Variants in RBM33 observed in about 807,000 individuals in gnomAD.
RBM33 encodes the protein RNA-binding protein 33.
A neutral mutation model predicts 132.6 loss-of-function variants in RBM33; 28 were observed. The observed-to-expected ratio is 0.21, with a 90% CI of 0.16 to 0.29. The LOEUF (loss-of-function observed/expected upper bound fraction) is 0.29. RBM33 is among the 10% of genes least tolerant of loss of function. The pLI, the probability that RBM33 is intolerant of heterozygous loss-of-function variation, is 1.00. For missense variants in RBM33, 1,291 were observed against 1,518.5 expected (o/e 0.85, Z 2.49); for synonymous variants, 634 against 593.0 (o/e 1.07, Z -1.01).
At chr7:155,718,873 G>C (rs1032093872) in intron 9 of RBM33, among the ~76,000 whole-genome samples, 1 of 151,956 alleles carries the variant, frequency 6.6e-6, no homozygotes. Context: ...AGAACCTCTA[G>C]GGTCTTAATG....
intron 8 of RBM33, among the ~76,000 whole-genome samples, chr7:155,717,268 C>G (rs1237914207): frequency 6.6e-6 from 1 of 152,112 alleles, no homozygotes; most frequent in Non-Finnish European, 1.5e-5. Context: ...AGTCCAAGTT[C>G]GAGGTGTGGG....
chr7:155,771,609 T>A (rs999251993), intron 16 of RBM33, among the ~76,000 whole-genome samples: 4 of 152,234 alleles, frequency 2.6e-5, no homozygotes, highest in Non-Finnish European at 5.9e-5. Flanking sequence ...TATTGTATGA[T>A]TGGCAGCCTG....
At chr7:155,732,898 A>T (rs562150302) in intron 9 of RBM33, among the ~76,000 whole-genome samples, 3 of 152,308 alleles carry the variant, frequency 2.0e-5, no homozygotes, top group African/African-American at 7.2e-5. Context: ...TTAAAATAAA[A>T]CAAAAGCTTT....
chr7:155,664,159 A>C (rs1391828184), intron 1 of RBM33, among the ~76,000 whole-genome samples: 2 of 152,214 alleles, frequency 1.3e-5, no homozygotes, highest in African/African-American at 2.4e-5. Context: ...TGTGTGTGCA[A>C]AATAAGCAGT....
intron 1 of RBM33, among the ~76,000 whole-genome samples, chr7:155,661,146 A>ATATATTTT (rs1421586760): frequency 0.084 from 6,693 of 80,046 alleles, 493 homozygotes; most frequent in South Asian, 0.14. Context: ...ATATATATAT[A>ATATATTTT]TTTTTTTTTT....
chr7:155,764,821 A>G (rs894438661), intron 15 of RBM33, among the ~76,000 whole-genome samples: 9 of 152,240 alleles, frequency 5.9e-5, no homozygotes, highest in Non-Finnish European at 1.3e-4. Flanking sequence ...TCATCTCGTC[A>G]CTTTAGAAGT....
At chr7:155,724,993 TGTGTGTGTGTG>T (rs750460441) in intron 9 of RBM33, among the ~76,000 whole-genome samples, 3,777 of 94,920 alleles carry the variant, frequency 0.04, 66 homozygotes, top group Non-Finnish European at 0.049. Flanking sequence ...TACAGGTTTG[TGTGTGTGTGTG>T]TGTGTGTGTG....
rs535736037 is a variant in RBM33, at chr7:155,715,944, T to G, written c.1202-2441T>G. 6.6e-5 allele frequency among the ~76,000 whole-genome samples: 10 copies of G among 152,348 alleles called. No individual in the cohort carries two copies. The South Asian group carries it at 2.1e-3, about 32-fold the overall frequency. On this transcript the variant is annotated intron_variant, in intron 8 of 17. Coordinates refer to ENST00000401878, the MANE Select transcript of RBM33 (RefSeq NM_053043.3). ...TCTGATGGCACAGACTTTCTGAGGA[T>G]GAAGAGTGTTCCGTTATAATTTATT...
At chr7:155,668,778 T>G (rs560086904) in intron 2 of RBM33, among the ~76,000 whole-genome samples, 1 of 152,352 alleles carries the variant, frequency 6.6e-6, no homozygotes, top group South Asian at 2.1e-4. Context: ...TTGAATCATT[T>G]TGAAATCATA....
At chr7:155,749,089 C>T (rs1241044580) in intron 14 of RBM33, among the ~76,000 whole-genome samples, 1 of 152,050 alleles carries the variant, frequency 6.6e-6, no homozygotes, top group East Asian at 1.9e-4. Flanking sequence ...GAATAGTTGT[C>T]TGTTCTTTGG....
rs1320174368 is a variant in RBM33 at position 155,673,799 on chromosome 7, CA to C, written c.171+885del. Among the ~76,000 whole-genome samples, 445 of 149,334 alleles carry C rather than the reference CA, an allele frequency of 3.0e-3. 2 individuals carry two copies. Among genetic ancestry groups the C allele is most frequent in the Non-Finnish European group, 4.5e-3 (302 of 67,732 alleles). ...ACACACACACACACACACACACACA[CA>C]CCCCTACCAGTATATTTCGGACATT... On this transcript the variant is annotated intron_variant, in intron 3 of 17. Coordinates refer to ENST00000401878, the MANE Select transcript of RBM33 (RefSeq NM_053043.3).
At position 155,680,846 on chromosome 7, in the gene RBM33, G is replaced by A. The variant is rs757138963; in HGVS notation, c.505G>A (p.Glu169Lys). The change falls in exon 5 of 18, where the codon GAG becomes AAG. Residue 169 changes from glutamate (E) to lysine (K), a missense_variant. Glu to Lys is a moderately conservative substitution (Grantham distance 56). Coordinates refer to ENST00000401878, the MANE Select transcript of RBM33 (RefSeq NM_053043.3). ...QIEYVEEPEE[E>K]QLYTDEVLDI... ...AGAATATGTGGAAGAGCCAGAGGAG[G>A]AGCAGCTTTACACTGATGAAGTGTT... 2 of 1,613,870 alleles carry A rather than the reference G, an allele frequency of 1.2e-6. No individual in the cohort carries two copies. Among genetic ancestry groups the A allele is most frequent in the Admixed American group, 3.3e-5 (2 of 60,008 alleles).
chr7:155,752,356 C>G (rs1801711176), intron 14 of RBM33, among the ~76,000 whole-genome samples: 1 of 152,134 alleles, frequency 6.6e-6, no homozygotes, highest in Non-Finnish European at 1.5e-5. Context: ...CATACAGATA[C>G]TGCTTTTGTA....
intron 3 of RBM33, among the ~76,000 whole-genome samples, chr7:155,673,768 G>GCGCACACACACACACA (rs1554469952): frequency 0.012 from 1,530 of 132,948 alleles, 47 homozygotes; most frequent in Non-Finnish European, 0.013. Flanking sequence ...GCGCATGCGC[G>GCGCACACACACACACA]CACACACACA....
At chr7:155,738,016 TG>T in intron 10 of RBM33, 43 bp from the exon 11 acceptor site, 1 of 1,521,348 alleles carries the variant, frequency 6.6e-7, no homozygotes, top group Non-Finnish European at 9.0e-7. Context: ...GAGAAGCACA[TG>T]GTCTTTTTAA....
chr7:155,751,547 C>G (rs573407661), intron 14 of RBM33, among the ~76,000 whole-genome samples: 2 of 152,276 alleles, frequency 1.3e-5, no homozygotes, highest in Admixed American at 1.3e-4. Context: ...TTGCCCTTGA[C>G]CTTTTGAAAG....
chr7:155,689,245 C>G (rs1367753344), intron 5 of RBM33, among the ~76,000 whole-genome samples: 1 of 152,152 alleles, frequency 6.6e-6, no homozygotes, highest in Non-Finnish European at 1.5e-5. Context: ...TCTAGATTTT[C>G]TAGTTTATTT....
intron 2 of RBM33, 123 bp from the exon 3 acceptor site, chr7:155,672,744 C>CAAAAA (rs559042068): frequency 2.8e-5 from 10 of 351,560 alleles, no homozygotes; most frequent in African/African-American, 2.2e-4. Context: ...GGCTTTGTCT[C>CAAAAA]AAAAAAAAAA....
At chr7:155,771,290 C>G (rs1802419100) in intron 16 of RBM33, among the ~76,000 whole-genome samples, 1 of 152,220 alleles carries the variant, frequency 6.6e-6, no homozygotes, top group Non-Finnish European at 1.5e-5. Context: ...TTTTCCTCTG[C>G]TCCTAATAAA....
Sources: allele counts gnomAD v4.1 joint callset (sites outside exome capture counted in the v4.1 genomes callset), GRCh38; gene constraint gnomAD v4.1.1; transcripts MANE v1.5; gene names NCBI Gene and HGNC (gene_info 2026-07-23, HGNC 2026-07-21).